Variants in MORC2 observed in about 807,000 individuals in gnomAD.
MORC2 encodes the protein MORC family CW-type zinc finger 2, also known as ATPase MORC2.
A neutral mutation model predicts 136.0 loss-of-function variants in MORC2; 30 were observed. The ratio of observed to expected loss-of-function variants is 0.22; its 90% CI spans 0.17 to 0.30. The LOEUF (loss-of-function observed/expected upper bound fraction) is 0.30. Ranked by LOEUF, MORC2 falls within the 10% of genes least tolerant of loss-of-function variation. The probability of loss-of-function intolerance (pLI) is 1.00; values close to 1 mark genes in which losing one functional copy is unlikely to be tolerated. For synonymous variants in MORC2, 439 were observed against 487.0 expected (o/e 0.90, Z 1.30); for missense variants, 922 against 1,333.1 (o/e 0.69, Z 4.80).
chr22:30,947,964 T>C (rs957856944), intron 5 of MORC2, among the ~76,000 whole-genome samples: 7 of 152,234 alleles, frequency 4.6e-5, no homozygotes, highest in Non-Finnish European at 8.8e-5. Context: ...GGTTTCAAGA[T>C]GATTTTACTG....
In MORC2 at chr22:30,968,338, T is replaced by C. The variant is rs1422922691; in HGVS notation, c.-449A>G. 4 of 158,588 alleles carry C rather than the reference T, an allele frequency of 2.5e-5. No homozygotes were observed. Among genetic ancestry groups the C allele is most frequent in the African/African-American group, 7.2e-5 (3 of 41,468 alleles). 9.8% of individuals were successfully genotyped at this position (158,588 alleles called of 1,614,324 possible). On this transcript the variant is annotated 5_prime_UTR_variant, in exon 1 of 26. Transcript: ENST00000397641. The stretch of plus-strand genomic sequence containing the variant: ...CAACGCGGAAATTTACCCACTTCTG[T>C]CAGAAAACTGATCAGCCATGTCTTC...
chr22:30,950,339 A>AAAAAC, intron 4 of MORC2, 38 bp downstream of exon 4: 1 of 539,986 alleles, frequency 1.9e-6, no homozygotes, highest in Non-Finnish European at 3.5e-6. Flanking sequence ...GTTACATCGC[A>AAAAAC]CCCCCCCACC....
chr22:30,956,818 A>T (rs1437305879), intron 2 of MORC2, 21 bp from the exon 3 acceptor site: 1 of 1,528,400 alleles, frequency 6.5e-7, no homozygotes, highest in Non-Finnish European at 8.9e-7. Context: ...AAAAGAAAAG[A>T]ATCATGTGAA....
rs191932566 is a variant in MORC2 at position 30,955,201 on chromosome 22, G to A, written c.157+1562C>T. ...TCAAACACCCGACCTAAGGTGGTCC[G>A]CCTGCCTCGGCTTCCCAAAGTGTTG... On this transcript the variant is annotated intron_variant, in intron 3 of 25. Coordinates refer to ENST00000397641, the MANE Select transcript of MORC2 (RefSeq NM_001303256.3). Among the ~76,000 whole-genome samples the A allele has an allele frequency of 8.6e-3, 1,310 of 152,090 alleles. 18 individuals are homozygous for A. Among genetic ancestry groups the A allele is most frequent in the African/African-American group, 0.03 (1,260 of 41,462 alleles).
In MORC2 at chr22:30,942,096, C is replaced by T. The variant is rs763141564; in HGVS notation, c.586+16G>A. 1 of 1,612,836 alleles carries T rather than the reference C, an allele frequency of 6.2e-7. No homozygotes were observed. The highest frequency in any genetic ancestry group is 1.7e-5 in the Admixed American group (1 of 60,010). ...GCTCCCAGATTCTAGGGGCTACAGG[C>T]TCAAAGCCTACTTACCGCTGTCCCC... is the stretch of plus-strand genomic sequence containing the variant. On this transcript the variant is annotated intron_variant, in intron 7 of 25. Coordinates refer to ENST00000397641, the MANE Select transcript of MORC2 (RefSeq NM_001303256.3).
At chr22:30,951,482 G>A (rs943707913) in intron 3 of MORC2, among the ~76,000 whole-genome samples, 4 of 152,220 alleles carry the variant, frequency 2.6e-5, no homozygotes, top group Non-Finnish European at 4.4e-5. Context: ...TAAGGCAGAG[G>A]TATAGGGAGG....
At chr22:30,960,738 G>A (rs1005157937) in intron 1 of MORC2, among the ~76,000 whole-genome samples, 31 of 144,240 alleles carry the variant, frequency 2.1e-4, no homozygotes, top group African/African-American at 7.0e-4. Flanking sequence ...TGATCCGCCC[G>A]CCTCGGCCTC....
chr22:30,968,106 T>C lies in MORC2; in HGVS notation c.-217A>G, dbSNP rs1483189103. 1.1e-5 allele frequency: 6 copies of C among 531,528 alleles called. No individual in the cohort carries two copies. The highest frequency in any genetic ancestry group is 6.7e-5 in the East Asian group (2 of 30,064). The allele number at this position is 531,528 out of a possible 1,614,324, so 32.9% of individuals were successfully genotyped here. On this transcript the variant is annotated 5_prime_UTR_variant, in exon 1 of 26. Transcript: ENST00000397641. ...TTTTAATCTTCTCAATGATTTATGA[T>C]GTAATATTTTGGAAGGAACTATGTC...
Position 30,936,579 on chromosome 22 carries a change from G to C in MORC2, c.1669C>G (p.Gln557Glu). 6.2e-7 allele frequency: 1 copy of C among 1,614,122 alleles called. No individual in the cohort carries two copies. Among genetic ancestry groups the C allele is most frequent in the Non-Finnish European group, 8.5e-7 (1 of 1,180,034 alleles). Residue 557 changes from glutamine (Q) to glutamate (E), a missense_variant, in exon 17 of 26, where the codon CAG becomes GAG. Gln to Glu is a conservative substitution (Grantham distance 29). Transcript: ENST00000397641. ...LGTFRKDMKT[Q>E]EEKQKQLTEK... ...GTCAGTTGTTTCTGCTTCTCTTCCTGCGTCTTCATGTCCTTTCTGAATGTT... is the reference window on the plus strand; with the variant it reads ...GTCAGTTGTTTCTGCTTCTCTTCCTCCGTCTTCATGTCCTTTCTGAATGTT...
Position 30,932,327 on chromosome 22 carries a change from G to C in MORC2, c.2841+32C>G. The C allele has an allele frequency of 2.6e-6, 4 of 1,521,504 alleles. No homozygotes were observed. The South Asian group carries it at 3.4e-5, about 13-fold the overall frequency. The allele number at this position is 1,521,504 out of a possible 1,614,324, so 94.3% of individuals were successfully genotyped here. A position where few individuals can be genotyped will look rare whatever the true frequency, so the allele number is the denominator to read the frequency against. On this transcript the variant is annotated intron_variant, in intron 24 of 25. Coordinates refer to ENST00000397641, the MANE Select transcript of MORC2 (RefSeq NM_001303256.3). The surrounding 1 kb of genome is among the most constrained non-coding windows in gnomAD (Gnocchi z 4.4). ...GCAGGGGCAGGGGTGGGGGAATGAA[G>C]AGTGTGGAATCGAAGGTCAGGCCAG...
Position 30,967,063 on chromosome 22 carries a change from T to C in MORC2, c.68+759A>G, listed in dbSNP as rs1602520975. The C allele has an allele frequency of 4.1e-6, 4 of 977,274 alleles. No homozygotes were observed. In the South Asian group the frequency reaches 1.9e-4, roughly 46 times the overall value. 60.5% of individuals were successfully genotyped at this position (977,274 alleles called of 1,614,324 possible). A position where few individuals can be genotyped will look rare whatever the true frequency, so the allele number is the denominator to read the frequency against. On this transcript the variant is annotated intron_variant, in intron 1 of 25. Transcript: ENST00000397641. ...CCAGGTACTAGAATGTTAGAACACT[T>C]ACCTTCATCTCAAAAGTAACAGGTG... is the stretch of plus-strand genomic sequence containing the variant.
At chr22:30,938,633 G>A (rs966896132) in intron 12 of MORC2, among the ~76,000 whole-genome samples, 6 of 152,034 alleles carry the variant, frequency 3.9e-5, no homozygotes, top group South Asian at 2.1e-4. Flanking sequence ...GCAGTGGTGC[G>A]ATCTCCGCTC....
intron 1 of MORC2, among the ~76,000 whole-genome samples, chr22:30,960,825 A>C (rs1216022942): frequency 6.6e-6 from 1 of 150,908 alleles, no homozygotes; most frequent in Non-Finnish European, 1.5e-5. Flanking sequence ...AAAAAAAAAA[A>C]AAGTCCATAA....
chr22:30,950,269 A>C, intron 4 of MORC2, 108 bp downstream of exon 4: 36 of 1,077,626 alleles, frequency 3.3e-5, no homozygotes, highest in Non-Finnish European at 4.3e-5. Context: ...TGGATCTTCT[A>C]GACATAACAT....
intron 1 of MORC2, 129 bp from the exon 2 acceptor site, chr22:30,958,823 T>G: frequency 2.6e-6 from 2 of 781,740 alleles, no homozygotes; most frequent in Non-Finnish European, 4.2e-6. Context: ...ATTGTTTTTA[T>G]ACTACTCAAG....
chr22:30,953,086 C>T (rs149183689), intron 3 of MORC2, among the ~76,000 whole-genome samples: 1 of 152,304 alleles, frequency 6.6e-6, no homozygotes, highest in East Asian at 1.9e-4. Flanking sequence ...AAGCACTAAA[C>T]TAGAGCAAGC....
At chr22:30,959,918 T>C (rs1002622874) in intron 1 of MORC2, among the ~76,000 whole-genome samples, 9 of 152,232 alleles carry the variant, frequency 5.9e-5, no homozygotes, top group Non-Finnish European at 1.2e-4. Flanking sequence ...TCCAGGAATA[T>C]TGTTTTTTCT....
intron 3 of MORC2, among the ~76,000 whole-genome samples, chr22:30,955,104 A>G (rs1391668157): frequency 6.6e-6 from 1 of 151,976 alleles, no homozygotes; most frequent in African/African-American, 2.4e-5. Flanking sequence ...GATTAGAGGC[A>G]TGCACCACCA....
Position 30,968,106 on chromosome 22 carries a change from T to G in MORC2, c.-217A>C, listed in dbSNP as rs1483189103. The G allele has an allele frequency of 3.8e-6, 2 of 531,528 alleles. No individual in the cohort carries two copies. Among genetic ancestry groups the G allele is most frequent in the Non-Finnish European group, 6.7e-6 (2 of 297,808 alleles). 32.9% of individuals were successfully genotyped at this position (531,528 alleles called of 1,614,324 possible). On this transcript the variant is annotated 5_prime_UTR_variant, in exon 1 of 26. Coordinates refer to ENST00000397641, the MANE Select transcript of MORC2 (RefSeq NM_001303256.3). ...TTTTAATCTTCTCAATGATTTATGATGTAATATTTTGGAAGGAACTATGTC... is the reference window on the plus strand; with the variant it reads ...TTTTAATCTTCTCAATGATTTATGAGGTAATATTTTGGAAGGAACTATGTC...
Sources: gnomAD v4.1 joint callset for allele counts (sites outside exome capture counted in the v4.1 genomes callset) on GRCh38, gnomAD v4.1.1 for gene constraint, Gnocchi (gnomAD v3.1) non-coding constraint, MANE v1.5 for transcripts, NCBI Gene and HGNC (gene_info 2026-07-23, HGNC 2026-07-21) for gene names.